The following SAMD15 variants were observed in gnomAD, a reference collection of about 807,000 sequenced individuals.
The protein encoded by SAMD15 is sterile alpha motif domain containing 15.
SAMD15 carries 37 observed loss-of-function variants against 50.5 expected under a neutral mutation model. The observed-to-expected ratio is 0.73, with a 90% CI of 0.56 to 0.96. SAMD15 has a LOEUF of 0.96. SAMD15 is among the 40% of genes least tolerant of loss of function. The probability of loss-of-function intolerance (pLI) is 0.00; values close to 1 mark genes in which losing one functional copy is unlikely to be tolerated. For synonymous variants in SAMD15, 255 were observed against 282.8 expected, an observed-to-expected ratio of 0.90 and a Z score of 0.99; for missense variants, 789 against 783.8, an observed-to-expected ratio of 1.01 and a Z score of -0.08.
intron 2 of SAMD15, among the ~76,000 whole-genome samples, chr14:77,390,215 C>T (rs768235787): frequency 6.6e-6 from 1 of 151,938 alleles, no homozygotes; most frequent in Non-Finnish European, 1.5e-5. Context: ...AGACTGTTCT[C>T]GAACTCCTGA....
At chr14:77,386,157 C>T (rs79254925) in intron 2 of SAMD15, among the ~76,000 whole-genome samples, 6,687 of 152,194 alleles carry the variant, frequency 0.044, 207 homozygotes, top group South Asian at 0.064. Context: ...CGCCTGGCCT[C>T]TCTTCCTGGC....
At position 77,378,855 on chromosome 14, in the gene SAMD15, G is replaced by A. The variant is rs11850656; in HGVS notation, c.1437G>A (p.Leu479=). The A allele has an allele frequency of 2.3e-3, 3,708 of 1,613,882 alleles. 83 individuals are homozygous for A. The African/African-American group carries it at 0.045, about 19-fold the overall frequency. The change falls in exon 1 of 3, where the codon TTG becomes TTA. Residue 479 remains leucine (L), a synonymous_variant. Transcript: ENST00000216471. ...CAATTGGTACACATTATGAGTTTTT[G>A]CAACCACTCCAAAAATTGCTTAATG... ...EESIGTHYEF[L]QPLQKLLNVS... is the part of the protein sequence containing the mutation.
chr14:77,383,471 A>C (rs1047614831), intron 2 of SAMD15, among the ~76,000 whole-genome samples: 2 of 152,214 alleles, frequency 1.3e-5, no homozygotes, highest in Non-Finnish European at 2.9e-5. Flanking sequence ...GGTTTTAAAA[A>C]TCTTCTGAAA....
rs1893909318 is a variant in SAMD15 at position 77,379,010 on chromosome 14, A to G, written c.1592A>G (p.Gln531Arg). 6.2e-7 allele frequency: 1 copy of G among 1,614,092 alleles called. No individual in the cohort carries two copies. Among genetic ancestry groups the G allele is most frequent in the Admixed American group, 1.7e-5 (1 of 60,004 alleles). The change falls in exon 1 of 3, where the codon CAG (glutamine) becomes CGG (arginine). Residue 531 changes from glutamine to arginine, a missense_variant. Gln to Arg is a conservative substitution (Grantham distance 43). This residue lies in a region of SAMD15 where 770 missense variants were observed against 745.4 expected (regional missense o/e 1.03). Coordinates refer to ENST00000216471, the MANE Select transcript of SAMD15 (RefSeq NM_001010860.4). ...KERVSEDDETQPEKGTELQFE... is the reference protein window; with the variant it reads ...KERVSEDDETRPEKGTELQFE... ...CGGGTCTCTGAAGATGACGAAACCC[A>G]GCCAGAAAAAGGGACTGAGTTACAA... is the stretch of plus-strand genomic sequence containing the variant.
At chr14:77,390,430 C>T (rs1894059191) in intron 2 of SAMD15, among the ~76,000 whole-genome samples, 1 of 152,062 alleles carries the variant, frequency 6.6e-6, no homozygotes, top group Admixed American at 6.6e-5. Context: ...TCAGATTGCT[C>T]AGCAAAAACA....
intron 2 of SAMD15, among the ~76,000 whole-genome samples, chr14:77,382,370 G>A (rs1312981088): frequency 6.6e-6 from 1 of 152,124 alleles, no homozygotes; most frequent in African/African-American, 2.4e-5. Flanking sequence ...TGCTCTGCCT[G>A]CCTCGGCCTC....
intron 2 of SAMD15, among the ~76,000 whole-genome samples, chr14:77,381,602 A>G (rs1316922012): frequency 2.6e-5 from 4 of 152,208 alleles, no homozygotes; most frequent in Admixed American, 2.6e-4. Flanking sequence ...TAGGCCCTGG[A>G]ATCTCTTCCC....
intron 2 of SAMD15, 120 bp downstream of exon 2, chr14:77,380,601 CCAGTTCCT>C (rs1428730873): frequency 9.0e-6 from 6 of 666,138 alleles, no homozygotes; most frequent in Non-Finnish European, 1.1e-5. Context: ...CATCATAATT[CCAGTTCCT>C]CAGGCTCACG....
Position 77,378,390 on chromosome 14 carries a change from C to G in SAMD15, c.972C>G (p.Asn324Lys). ...DHKPRKSTDE[N>K]VPEPLEEIKL... ...AGCCAAGAAAGTCTACTGATGAGAACGTTCCTGAGCCACTAGAAGAGATCA... is the reference window on the plus strand; with the variant it reads ...AGCCAAGAAAGTCTACTGATGAGAAGGTTCCTGAGCCACTAGAAGAGATCA... The change falls in exon 1 of 3, where the codon AAC (asparagine) becomes AAG (lysine). Residue 324 changes from asparagine (N) to lysine (K), a missense_variant. Asn to Lys is a moderately conservative substitution (Grantham distance 94). This residue lies in a region of SAMD15 where 770 missense variants were observed against 745.4 expected (regional missense o/e 1.03). Transcript: ENST00000216471. 6.2e-7 allele frequency: 1 copy of G among 1,613,894 alleles called. No individual in the cohort carries two copies. The highest frequency in any genetic ancestry group is 8.5e-7 in the Non-Finnish European group (1 of 1,179,982).
At chr14:77,385,532 G>A (rs372839174) in intron 2 of SAMD15, among the ~76,000 whole-genome samples, 15 of 151,858 alleles carry the variant, frequency 9.9e-5, no homozygotes, top group East Asian at 2.0e-4. Flanking sequence ...CAGGTGATCC[G>A]ACTGTCTTGG....
In SAMD15 at chr14:77,378,361, C is replaced by G. The variant is rs747015262; in HGVS notation, c.943C>G (p.His315Asp). 1 of 1,613,196 alleles carries G rather than the reference C, an allele frequency of 6.2e-7. No individual in the cohort carries two copies. ...PERTKPDFPDHKPRKSTDENV... is the reference protein window; with the variant it reads ...PERTKPDFPDDKPRKSTDENV... ...GCGGACTAAACCAGACTTTCCAGAC[C>G]ACAAGCCAAGAAAGTCTACTGATGA... The change falls in exon 1 of 3, where the codon CAC becomes GAC. Residue 315 changes from histidine (H) to aspartate (D), a missense_variant. Physicochemically the swap from His to Asp is moderately conservative, Grantham distance 81. Transcript: ENST00000216471.
At chr14:77,388,466 G>A (rs1894032820) in intron 2 of SAMD15, among the ~76,000 whole-genome samples, 1 of 151,358 alleles carries the variant, frequency 6.6e-6, no homozygotes, top group Non-Finnish European at 1.5e-5. Flanking sequence ...AGGCCGCAGT[G>A]CAGTGGCATG....
At chr14:77,388,556 C>CAG (rs1045753197) in intron 2 of SAMD15, among the ~76,000 whole-genome samples, 1 of 151,600 alleles carries the variant, frequency 6.6e-6, no homozygotes. Flanking sequence ...GCTGGGACTA[C>CAG]AGGCATGCAA....
intron 1 of SAMD15, among the ~76,000 whole-genome samples, chr14:77,379,954 A>G (rs911919611): frequency 3.9e-5 from 6 of 152,246 alleles, no homozygotes; most frequent in Non-Finnish European, 8.8e-5. Context: ...GTTTAAGGCT[A>G]CCACAAAACA....
At chr14:77,383,352 G>A (rs1893967911) in intron 2 of SAMD15, among the ~76,000 whole-genome samples, 1 of 152,176 alleles carries the variant, frequency 6.6e-6, no homozygotes, top group Admixed American at 6.5e-5. Flanking sequence ...ATTTTTAAGA[G>A]TCAGACAATT....
rs1176862435 is a variant in SAMD15 at position 77,377,559 on chromosome 14, A to G, written c.141A>G (p.Leu47=). 11 of 1,614,024 alleles carry G rather than the reference A, an allele frequency of 6.8e-6. No homozygotes were observed. The highest frequency in any genetic ancestry group is 9.3e-6 in the Non-Finnish European group (11 of 1,180,026). Reference sequence around the variant, plus strand: ...CCATGGCAAAGGCAGACTCGAAGCTACCAGCAGAGATTTACCAAGAGCCAC... The same window carrying G: ...CCATGGCAAAGGCAGACTCGAAGCTGCCAGCAGAGATTTACCAAGAGCCAC... ...PDTMAKADSK[L]PAEIYQEPQP... Residue 47 remains leucine, a synonymous_variant, in exon 1 of 3, where the codon CTA becomes CTG. Coordinates refer to ENST00000216471, the MANE Select transcript of SAMD15 (RefSeq NM_001010860.4).
rs754019496 is a variant in SAMD15 at position 77,378,179 on chromosome 14, C to T, written c.761C>T (p.Thr254Ile). ...AGAGAGTCAACTGAGAAGAAAAGGACAGAGCCACCCGAGCAGGCTAGACTG... is the reference window on the plus strand; with the variant it reads ...AGAGAGTCAACTGAGAAGAAAAGGATAGAGCCACCCGAGCAGGCTAGACTG... ...TQRESTEKKR[T>I]EPPEQARLEF... The change falls in exon 1 of 3, where the codon ACA becomes ATA. Residue 254 changes from threonine (T) to isoleucine (I), a missense_variant. Around this residue, in one of 2 missense-constraint regions of SAMD15, gnomAD observed 770 missense variants for 745.4 expected, o/e 1.03. Coordinates refer to ENST00000216471, the MANE Select transcript of SAMD15 (RefSeq NM_001010860.4). The T allele has an allele frequency of 3.7e-6, 6 of 1,613,582 alleles. No homozygotes were observed. Among genetic ancestry groups the T allele is most frequent in the Admixed American group, 3.3e-5 (2 of 59,896 alleles).
In SAMD15 at chr14:77,391,084, G is replaced by A. The variant is rs144825571; in HGVS notation, c.1865G>A (p.Arg622Lys). 2.6e-4 allele frequency: 427 copies of A among 1,614,086 alleles called. 5 individuals are homozygous for A. In the East Asian group the frequency reaches 8.6e-3, roughly 32 times the overall value. ...AAACGCTCCATCAGCCTTCCCTATA[G>A]GGATATTATCGGCTTATATTTAGAG... The part of the protein sequence containing the change: ...LFKRSISLPY[R>K]DIIGLYLEQK... Residue 622 changes from arginine (R) to lysine (K), a missense_variant, in exon 3 of 3, where the codon AGG (arginine) becomes AAG (lysine). This residue lies in a region of SAMD15 where 770 missense variants were observed against 745.4 expected (regional missense o/e 1.03). Coordinates refer to ENST00000216471, the MANE Select transcript of SAMD15 (RefSeq NM_001010860.4).
At position 77,378,630 on chromosome 14, in the gene SAMD15, A is replaced by C; in HGVS notation, c.1212A>C (p.Leu404=). The change falls in exon 1 of 3, where the codon CTA becomes CTC. Residue 404 remains leucine (L), a synonymous_variant. Transcript: ENST00000216471. ...AAACAAAGCCAACTGAGAAAATTCT[A>C]GAGTTACCAGATGAAACCAAACCAA... The part of the protein sequence containing the change: ...KTQTKPTEKI[L]ELPDETKPRE... 6.2e-7 allele frequency: 1 copy of C among 1,614,072 alleles called. No individual in the cohort carries two copies. Among genetic ancestry groups the C allele is most frequent in the Admixed American group, 1.7e-5 (1 of 60,006 alleles).
Sources: allele counts gnomAD v4.1 joint callset (sites outside exome capture counted in the v4.1 genomes callset), GRCh38; gene constraint gnomAD v4.1.1; regional missense constraint gnomAD v4.1.1; transcripts MANE v1.5; gene names NCBI Gene and HGNC (gene_info 2026-07-23, HGNC 2026-07-21).